The following MEIS2 variants were observed in gnomAD, a reference collection of about 807,000 sequenced individuals.
MEIS2 encodes homeobox protein Meis2.
A neutral mutation model predicts 58.6 loss-of-function variants in MEIS2; 9 were observed. That is an observed-to-expected ratio of 0.15 (90% CI 0.09 to 0.27). The LOEUF (loss-of-function observed/expected upper bound fraction) is 0.27. Ranked by LOEUF, MEIS2 falls within the 10% of genes least tolerant of loss-of-function variation. The probability of loss-of-function intolerance (pLI) is 1.00; values close to 1 mark genes in which losing one functional copy is unlikely to be tolerated. For synonymous variants in MEIS2, 221 were observed against 228.4 expected, an observed-to-expected ratio of 0.97 and a Z score of 0.29; for missense variants, 427 against 635.0, an observed-to-expected ratio of 0.67 and a Z score of 3.52.
intron 8 of MEIS2, among the ~76,000 whole-genome samples, chr15:36,983,931 T>C (rs1332725899): frequency 2.0e-5 from 3 of 152,062 alleles, no homozygotes; most frequent in Non-Finnish European, 4.4e-5. Context: ...TTAATTTCTT[T>C]CTCTGTTCCT....
At chr15:37,052,982 GAA>G (rs758181266) in intron 7 of MEIS2, among the ~76,000 whole-genome samples, 1 of 152,150 alleles carries the variant, frequency 6.6e-6, no homozygotes, top group Non-Finnish European at 1.5e-5. Context: ...CTGCCATGAA[GAA>G]AGACAACTCG....
chr15:36,895,022 A>G (rs1445332201), intron 11 of MEIS2, 129 bp downstream of exon 11: 1 of 941,886 alleles, frequency 1.1e-6, no homozygotes, highest in African/African-American at 1.7e-5. Flanking sequence ...AATGTAAAGA[A>G]AGCAGGCAGA....
intron 8 of MEIS2, among the ~76,000 whole-genome samples, chr15:36,970,696 C>T (rs1478612236): frequency 1.3e-5 from 2 of 152,080 alleles, no homozygotes; most frequent in Admixed American, 6.6e-5. Context: ...AAGGGATGTC[C>T]GCTGTAACCA....
At chr15:37,028,113 T>C (rs2061772399) in intron 8 of MEIS2, among the ~76,000 whole-genome samples, 3 of 152,244 alleles carry the variant, frequency 2.0e-5, no homozygotes. Flanking sequence ...TTTTAAAATG[T>C]ATCTGCCAGT....
At chr15:36,956,887 TAAAA>T (rs61478606) in intron 8 of MEIS2, among the ~76,000 whole-genome samples, 1 of 112,012 alleles carries the variant, frequency 8.9e-6, no homozygotes, top group Non-Finnish European at 1.8e-5. Flanking sequence ...AAATGATTGT[TAAAA>T]AAAAAAAAAA....
chr15:36,903,336 A>G (rs2056573751), intron 9 of MEIS2, among the ~76,000 whole-genome samples: 1 of 152,208 alleles, frequency 6.6e-6, no homozygotes, highest in African/African-American at 2.4e-5. Context: ...AAACACTCAA[A>G]CTTCCTTAGC....
intron 9 of MEIS2, among the ~76,000 whole-genome samples, chr15:36,912,416 G>A (rs1207799412): frequency 6.6e-6 from 1 of 152,176 alleles, no homozygotes; most frequent in Non-Finnish European, 1.5e-5. Flanking sequence ...TTGCACAAAG[G>A]CAGCAAAAGT....
At chr15:37,088,016 T>C (rs1893091818) in intron 6 of MEIS2, among the ~76,000 whole-genome samples, 1 of 152,050 alleles carries the variant, frequency 6.6e-6, no homozygotes, top group Non-Finnish European at 1.5e-5. Flanking sequence ...AGATCCCAAA[T>C]GAAAAGGCAA....
At chr15:37,013,157 T>C (rs1387068228) in intron 8 of MEIS2, among the ~76,000 whole-genome samples, 1 of 151,934 alleles carries the variant, frequency 6.6e-6, no homozygotes, top group Non-Finnish European at 1.5e-5. Flanking sequence ...CCACTGAGAG[T>C]GCCAGATGGC....
chr15:37,058,299 C>T (rs895178336), intron 7 of MEIS2, among the ~76,000 whole-genome samples: 3 of 152,138 alleles, frequency 2.0e-5, no homozygotes, highest in Non-Finnish European at 4.4e-5. Context: ...TAGGATAACT[C>T]ATATTATTTT....
chr15:37,025,199 A>G (rs891714004), intron 8 of MEIS2, among the ~76,000 whole-genome samples: 1 of 152,238 alleles, frequency 6.6e-6, no homozygotes, highest in Non-Finnish European at 1.5e-5. Flanking sequence ...TCAATGGATT[A>G]TATGAAAACA....
At chr15:36,920,125 T>TGC (rs2057441279) in intron 9 of MEIS2, among the ~76,000 whole-genome samples, 1 of 135,744 alleles carries the variant, frequency 7.4e-6, no homozygotes, top group African/African-American at 2.8e-5. Context: ...TGCTTTTATT[T>TGC]ATTTATTTAT....
intron 8 of MEIS2, among the ~76,000 whole-genome samples, chr15:37,019,858 C>T (rs1168222834): frequency 6.6e-6 from 1 of 152,178 alleles, no homozygotes; most frequent in African/African-American, 2.4e-5. Flanking sequence ...GGAACAGAGA[C>T]ATTTGTTTAA....
At chr15:36,909,162 G>T (rs939063469) in intron 9 of MEIS2, among the ~76,000 whole-genome samples, 4 of 152,070 alleles carry the variant, frequency 2.6e-5, no homozygotes, top group Admixed American at 2.0e-4. Flanking sequence ...CCTTCAAAGT[G>T]CTTATCACAG....
At chr15:37,014,323 C>G (rs2061267456) in intron 8 of MEIS2, among the ~76,000 whole-genome samples, 1 of 152,112 alleles carries the variant, frequency 6.6e-6, no homozygotes, top group Admixed American at 6.6e-5. Context: ...GCTTCCAATC[C>G]TAAGTGTGGA....
intron 8 of MEIS2, among the ~76,000 whole-genome samples, chr15:36,952,646 T>TGTGTGTGTGTGC (rs1356856777): frequency 3.3e-5 from 5 of 150,088 alleles, no homozygotes; most frequent in African/African-American, 1.2e-4. Flanking sequence ...TGTGTGTGTG[T>TGTGTGTGTGTGC]GTGCATGTGT....
intron 9 of MEIS2, among the ~76,000 whole-genome samples, chr15:36,947,508 G>A (rs2058609726): frequency 6.6e-6 from 1 of 151,956 alleles, no homozygotes; most frequent in Admixed American, 6.6e-5. Context: ...ATTTCTCAGT[G>A]CTGCTTAACT....
At chr15:36,991,467 T>C (rs1168811608) in intron 8 of MEIS2, among the ~76,000 whole-genome samples, 1 of 152,048 alleles carries the variant, frequency 6.6e-6, no homozygotes, top group Non-Finnish European at 1.5e-5. Flanking sequence ...TTATTGTAGG[T>C]GGGATATTTA....
intron 8 of MEIS2, among the ~76,000 whole-genome samples, chr15:37,007,485 G>C (rs971510460): frequency 1.3e-5 from 2 of 152,208 alleles, no homozygotes; most frequent in African/African-American, 4.8e-5. Context: ...CCCTCCCTGA[G>C]GGTGGTGCCG....
Sources: gnomAD v4.1 joint callset for allele counts (sites outside exome capture counted in the v4.1 genomes callset) on GRCh38, gnomAD v4.1.1 for gene constraint, MANE v1.5 for transcripts, NCBI Gene and HGNC (gene_info 2026-07-23, HGNC 2026-07-21) for gene names.